The following GPHN variants were observed in gnomAD, a reference collection of about 807,000 sequenced individuals.
GPHN encodes gephyrin.
Under a neutral mutation model 95.5 loss-of-function variants are expected in GPHN, and 17 were observed. That is an observed-to-expected ratio of 0.18 (90% CI 0.12 to 0.27). The LOEUF is 0.27. Among genes scored for constraint, GPHN ranks in the 10% least tolerant of loss-of-function variants. GPHN has a pLI of 1.00. For synonymous variants in GPHN, 320 were observed against 322.5 expected (o/e 0.99, Z 0.08); for missense variants, 660 against 978.1 (o/e 0.67, Z 4.34).
the GPHN span, among the ~76,000 whole-genome samples, chr14:67,440,410 A>C: frequency 6.6e-6 from 1 of 151,464 alleles, no homozygotes; most frequent in African/African-American, 2.4e-5. Context: ...TCCCCCACCG[A>C]AAAAAAAATT....
downstream of GPHN, among the ~76,000 whole-genome samples, chr14:67,186,547 A>T (rs908222708): frequency 5.8e-4 from 88 of 152,212 alleles, no homozygotes; most frequent in African/African-American, 2.1e-3. Context: ...GGGGAATCAC[A>T]GCTTAGAAGC....
chr14:67,321,288 G>T, the GPHN span: 2 of 1,605,656 alleles, frequency 1.2e-6, no homozygotes, highest in South Asian at 2.2e-5. Context: ...TTTAGGGTTT[G>T]AACTTAGAAG....
intron 1 of GPHN, among the ~76,000 whole-genome samples, chr14:66,594,255 A>C (rs914500279): frequency 6.6e-6 from 1 of 152,102 alleles, no homozygotes; most frequent in Non-Finnish European, 1.5e-5. Flanking sequence ...TTATCTACAG[A>C]TTCCATGCAA....
At chr14:66,592,654 G>C (rs947800901) in intron 1 of GPHN, among the ~76,000 whole-genome samples, 1 of 152,188 alleles carries the variant, frequency 6.6e-6, no homozygotes, top group Admixed American at 6.5e-5. Flanking sequence ...GGAAACTACA[G>C]ATGCTGGAGT....
intron 1 of GPHN, among the ~76,000 whole-genome samples, chr14:66,560,061 G>A (rs9671279): frequency 0.31 from 47,003 of 151,550 alleles, 11,110 homozygotes; most frequent in African/African-American, 0.63. Flanking sequence ...GATATGCGGC[G>A]TTATTTCTGA....
chr14:66,549,588 A>C (rs2059739899), intron 1 of GPHN, among the ~76,000 whole-genome samples: 1 of 152,230 alleles, frequency 6.6e-6, no homozygotes, highest in Admixed American at 6.5e-5. Flanking sequence ...TGATACTTGC[A>C]GCAAATTATA....
the GPHN span, among the ~76,000 whole-genome samples, chr14:67,635,481 C>T: frequency 6.6e-6 from 1 of 152,346 alleles, no homozygotes; most frequent in South Asian, 2.1e-4. Context: ...CTTCTAGTAA[C>T]ATTGCAACTT....
chr14:66,715,407 A>G (rs2070078039), intron 2 of GPHN, among the ~76,000 whole-genome samples: 1 of 151,598 alleles, frequency 6.6e-6, no homozygotes, highest in South Asian at 2.1e-4. Context: ...TATCAATTTT[A>G]TTTATCTTTT....
the GPHN span, among the ~76,000 whole-genome samples, chr14:67,243,940 T>C: frequency 2.0e-5 from 3 of 152,224 alleles, no homozygotes; most frequent in African/African-American, 7.2e-5. Flanking sequence ...GTCTGACTGC[T>C]AGTTAGGGGC....
In GPHN at chr14:66,778,726, C is replaced by CTT. The variant is rs759940498; in HGVS notation, c.201+2232_201+2233dup. On this transcript the variant is annotated intron_variant, in intron 3 of 22. Coordinates refer to ENST00000478722, the MANE Select transcript of GPHN (RefSeq NM_020806.5). The stretch of plus-strand genomic sequence containing the variant: ...ATTCTATGACTCAAGACTCAAGGGG[C>CTT]TTTTTTTTTTTTTTTTTTTTTTTTT... Among the ~76,000 whole-genome samples the CTT allele has an allele frequency of 4.0e-3, 239 of 59,378 alleles. 19 individuals are homozygous for CTT. The highest frequency in any genetic ancestry group is 0.012 in the Middle Eastern group (1 of 84). The allele number at this position is 59,378 out of a possible 152,430, so 39.0% of individuals were successfully genotyped here.
chr14:67,232,386 T>G, the GPHN span, among the ~76,000 whole-genome samples: 3 of 152,044 alleles, frequency 2.0e-5, no homozygotes, highest in African/African-American at 7.2e-5. Flanking sequence ...GGTATGTGAG[T>G]GAGACTCCTG....
the GPHN span, among the ~76,000 whole-genome samples, chr14:67,357,624 C>A: frequency 6.6e-6 from 1 of 152,138 alleles, no homozygotes; most frequent in African/African-American, 2.4e-5. Flanking sequence ...ATAAACCCAG[C>A]CAGACATTCG....
chr14:66,675,843 T>C (rs1242743289), intron 1 of GPHN, among the ~76,000 whole-genome samples: 1 of 152,168 alleles, frequency 6.6e-6, no homozygotes, highest in Non-Finnish European at 1.5e-5. Flanking sequence ...TCCAACACCA[T>C]TTAGATATTT....
intron 9 of GPHN, among the ~76,000 whole-genome samples, chr14:67,008,299 C>CA (rs1391820562): frequency 6.6e-6 from 1 of 151,220 alleles, no homozygotes; most frequent in African/African-American, 2.4e-5. Context: ...TAAAAATACA[C>CA]AAAAAAATTA....
the GPHN span, chr14:67,582,232 A>G: frequency 6.2e-7 from 1 of 1,613,448 alleles, no homozygotes. This position sits in a 1 kb window ranked among gnomAD's most constrained non-coding sequence, Gnocchi z 5.0. Context: ...TTCAGGAAGC[A>G]GGAGGGTCGG....
intron 1 of GPHN, among the ~76,000 whole-genome samples, chr14:66,514,457 C>G (rs908611046): frequency 1.3e-5 from 2 of 151,964 alleles, no homozygotes; most frequent in Non-Finnish European, 2.9e-5. Context: ...GCTTTTCTTA[C>G]CACTAAAATG....
intron 10 of GPHN, among the ~76,000 whole-genome samples, chr14:67,028,327 G>A (rs1369181614): frequency 6.6e-6 from 1 of 152,160 alleles, no homozygotes; most frequent in Non-Finnish European, 1.5e-5. Flanking sequence ...CAGTAATCAT[G>A]GGGGTACAGG....
the GPHN span, among the ~76,000 whole-genome samples, chr14:67,516,715 C>T: frequency 3.9e-5 from 6 of 152,228 alleles, no homozygotes; most frequent in Non-Finnish European, 5.9e-5. Flanking sequence ...CCTCTCAAAG[C>T]TGGGAGTAGG....
intron 1 of GPHN, among the ~76,000 whole-genome samples, chr14:66,670,422 A>C (rs1382271775): frequency 6.6e-6 from 1 of 152,200 alleles, no homozygotes; most frequent in African/African-American, 2.4e-5. Context: ...ATATTCATGC[A>C]TGTATCAGAA....
Sources: gnomAD v4.1 joint callset for allele counts (sites outside exome capture counted in the v4.1 genomes callset) on GRCh38, gnomAD v4.1.1 for gene constraint, Gnocchi (gnomAD v3.1) non-coding constraint, MANE v1.5 for transcripts, NCBI Gene and HGNC (gene_info 2026-07-23, HGNC 2026-07-21) for gene names.